The following RANBP2 variants were observed in gnomAD, a reference collection of about 807,000 sequenced individuals.
RANBP2 encodes E3 SUMO-protein ligase RanBP2.
A neutral mutation model predicts 303.6 loss-of-function variants in RANBP2; 57 were observed. The observed-to-expected ratio is 0.19, with a 90% confidence interval of 0.15 to 0.23. The LOEUF (loss-of-function observed/expected upper bound fraction) is 0.23. Among genes scored for constraint, RANBP2 ranks in the 10% least tolerant of loss-of-function variants. The probability of loss-of-function intolerance (pLI) is 1.00; values close to 1 mark genes in which losing one functional copy is unlikely to be tolerated. For synonymous variants in RANBP2, 1,167 were observed against 1,301.5 expected, an observed-to-expected ratio of 0.90 and a Z score of 2.23; for missense variants, 3,138 against 3,780.8, an observed-to-expected ratio of 0.83 and a Z score of 4.46.
chr2:109,331,195 G>A, the RANBP2 span, among the ~76,000 whole-genome samples: 1 of 152,012 alleles, frequency 6.6e-6, no homozygotes, highest in Non-Finnish European at 1.5e-5. Context: ...GGGAATGCCG[G>A]GTGTCTTATT....
the RANBP2 span, among the ~76,000 whole-genome samples, chr2:109,000,730 C>T: frequency 6.6e-6 from 1 of 152,238 alleles, no homozygotes; most frequent in East Asian, 1.9e-4. Flanking sequence ...GGGCATTTCC[C>T]ATGAGCCAGG....
the RANBP2 span, among the ~76,000 whole-genome samples, chr2:109,067,865 C>T: frequency 6.6e-6 from 1 of 152,198 alleles, no homozygotes; most frequent in African/African-American, 2.4e-5. Context: ...CCTCCTCCAT[C>T]ACGACCACCC....
the RANBP2 span, among the ~76,000 whole-genome samples, chr2:109,105,956 C>A: frequency 6.6e-6 from 1 of 151,180 alleles, no homozygotes; most frequent in Admixed American, 6.6e-5. Context: ...CAGGTTCAAG[C>A]AATTCTCCTG....
intron 1 of RANBP2, among the ~76,000 whole-genome samples, chr2:108,720,425 A>G (rs1038190594): frequency 1.4e-4 from 22 of 152,078 alleles, no homozygotes; most frequent in South Asian, 8.3e-4. Context: ...CTTTTCCACA[A>G]ATGTTTTAAG....
the RANBP2 span, among the ~76,000 whole-genome samples, chr2:109,569,525 T>C: frequency 6.6e-6 from 1 of 151,988 alleles, no homozygotes; most frequent in Non-Finnish European, 1.5e-5. Flanking sequence ...CAAGTATATA[T>C]CTGAATTTAT....
chr2:109,322,703 T>G, the RANBP2 span, among the ~76,000 whole-genome samples: 97 of 152,352 alleles, frequency 6.4e-4, no homozygotes, highest in Middle Eastern at 3.4e-3. Context: ...CCCACATAAG[T>G]GATTTCTAAT....
At chr2:109,267,430 A>G in the RANBP2 span, among the ~76,000 whole-genome samples, 1 of 152,226 alleles carries the variant, frequency 6.6e-6, no homozygotes, top group Non-Finnish European at 1.5e-5. Flanking sequence ...AAAGAGAAGC[A>G]GCACTGAGGA....
chr2:109,569,211 C>T, the RANBP2 span, among the ~76,000 whole-genome samples: 1 of 152,108 alleles, frequency 6.6e-6, no homozygotes, highest in Non-Finnish European at 1.5e-5. Context: ...GGTGGGTCAC[C>T]TGAGGTCGGG....
chr2:109,221,581 C>CA, the RANBP2 span, among the ~76,000 whole-genome samples: 2,145 of 62,886 alleles, frequency 0.034, 71 homozygotes, highest in African/African-American at 0.077. Context: ...GACTCCATCT[C>CA]AAAAAAAAAA....
the RANBP2 span, chr2:109,545,661 A>G: frequency 6.7e-7 from 1 of 1,487,832 alleles, no homozygotes; most frequent in Non-Finnish European, 8.9e-7. Flanking sequence ...AACAAAGGGC[A>G]CAGCTTTATT....
At chr2:109,117,590 G>C in the RANBP2 span, among the ~76,000 whole-genome samples, 1 of 152,230 alleles carries the variant, frequency 6.6e-6, no homozygotes, top group East Asian at 1.9e-4. Flanking sequence ...CGCTTCCCGA[G>C]GGAGGCAATG....
Position 108,772,566 on chromosome 2 carries a change from G to C in RANBP2, c.8098G>C (p.Glu2700Gln), listed in dbSNP as rs1479884674. The C allele has an allele frequency of 6.2e-7, 1 of 1,613,692 alleles. No individual in the cohort carries two copies. The highest frequency in any genetic ancestry group is 1.3e-5 in the African/African-American group (1 of 75,028). ...TGGCTCAGAAAAATGTAGACCCTTG[G>C]AAGAAAATACAGCAGGTATGTTAAG... ...LDGSEKCRPL[E>Q]ENTADNEKEC... is the part of the protein sequence containing the mutation. Residue 2700 changes from glutamate (E) to glutamine (Q), a missense_variant, in exon 22 of 29, where the codon GAA becomes CAA. By Grantham distance (29) the Glu-to-Gln change is conservative (BLOSUM62 2). This residue lies in a region of RANBP2 where 497 missense variants were observed against 465.8 expected (regional missense o/e 1.07). Coordinates refer to ENST00000283195, the MANE Select transcript of RANBP2 (RefSeq NM_006267.5).
At chr2:109,738,036 CTT>C in the RANBP2 span, among the ~76,000 whole-genome samples, 1 of 151,228 alleles carries the variant, frequency 6.6e-6, no homozygotes, top group Admixed American at 6.6e-5. Flanking sequence ...CAAGTTGACT[CTT>C]TACTCTGTTG....
At chr2:109,241,554 C>A in the RANBP2 span, among the ~76,000 whole-genome samples, 1 of 152,110 alleles carries the variant, frequency 6.6e-6, no homozygotes, top group Admixed American at 6.5e-5. Flanking sequence ...CCCTCCCACA[C>A]AACCTTCTTC....
the RANBP2 span, among the ~76,000 whole-genome samples, chr2:109,466,901 G>C: frequency 6.6e-6 from 1 of 152,038 alleles, no homozygotes; most frequent in Non-Finnish European, 1.5e-5. Flanking sequence ...GCATGTGTTT[G>C]TGTATGTGTG....
At chr2:109,300,489 G>T in the RANBP2 span, among the ~76,000 whole-genome samples, 2 of 152,142 alleles carry the variant, frequency 1.3e-5, no homozygotes, top group African/African-American at 4.8e-5. Flanking sequence ...CGCACCCTGA[G>T]TTTTTATACC....
At chr2:109,068,770 G>A in the RANBP2 span, among the ~76,000 whole-genome samples, 1 of 152,184 alleles carries the variant, frequency 6.6e-6, no homozygotes, top group Admixed American at 6.5e-5. Context: ...CATTCGTTGA[G>A]TTGGAATACC....
intron 26 of RANBP2, 95 bp downstream of exon 26, chr2:108,781,524 T>A: frequency 8.4e-7 from 1 of 1,189,042 alleles, no homozygotes; most frequent in Non-Finnish European, 1.2e-6. Context: ...TGTTTGCATT[T>A]AAGAATGTTT....
chr2:108,865,866 CAG>C, the RANBP2 span, among the ~76,000 whole-genome samples: 1 of 152,208 alleles, frequency 6.6e-6, no homozygotes, highest in South Asian at 2.1e-4. Flanking sequence ...CATGAGTGGC[CAG>C]AGTTTGTTGG....
Sources: gnomAD v4.1 joint callset for allele counts (sites outside exome capture counted in the v4.1 genomes callset) on GRCh38, gnomAD v4.1.1 for gene constraint, gnomAD v4.1.1 regional missense constraint, MANE v1.5 for transcripts, NCBI Gene and HGNC (gene_info 2026-07-23, HGNC 2026-07-21) for gene names.